DMD: variants seen among roughly 807,000 people sequenced by gnomAD.
DMD encodes the protein mutant dystrophin.
A neutral mutation model predicts 330.1 loss-of-function variants in DMD; 63 were observed. That is an observed-to-expected ratio of 0.19 (90% confidence interval 0.16 to 0.24). DMD has a LOEUF of 0.24. Ranked by LOEUF, DMD falls within the 10% of genes least tolerant of loss-of-function variation. The pLI is 1.00. For missense variants in DMD, 3,344 were observed against 2,684.1 expected (o/e 1.25, Z -5.43); for synonymous variants, 1,223 against 959.8 (o/e 1.27, Z -5.07).
intron 11 of DMD, among the ~76,000 whole-genome samples, chrX:32,618,225 T>G (rs150640440): frequency 0.016 from 1,789 of 112,330 alleles, 27 homozygotes; most frequent in African/African-American, 0.055. Context: ...CATATGTTCG[T>G]GGCAGCACTA....
At chrX:31,697,918 C>T (rs191119001) in intron 52 of DMD, among the ~76,000 whole-genome samples, 13 of 111,773 alleles carry the variant, frequency 1.2e-4, no homozygotes, top group African/African-American at 3.9e-4. Context: ...TGATTTGCCA[C>T]GATCTCAGTT....
At chrX:32,627,951 A>G (rs572501956) in intron 11 of DMD, among the ~76,000 whole-genome samples, 43 of 110,610 alleles carry the variant, frequency 3.9e-4, no homozygotes, top group South Asian at 3.8e-4. Context: ...GGGATACAAG[A>G]GACATATTCA....
intron 1 of DMD, among the ~76,000 whole-genome samples, chrX:33,118,197 G>T (rs1246734875): frequency 3.0e-5 from 3 of 101,491 alleles, no homozygotes; most frequent in Non-Finnish European, 5.9e-5. Flanking sequence ...TGCAAGCTCC[G>T]CCTCCCGGGT....
At chrX:32,064,218 C>T (rs976153399) in intron 44 of DMD, among the ~76,000 whole-genome samples, 7 of 111,310 alleles carry the variant, frequency 6.3e-5, no homozygotes, top group African/African-American at 2.3e-4. Context: ...CACATATTCA[C>T]TATAAGATAA....
At chrX:31,456,931 ACACT>A (rs758831613) in intron 59 of DMD, among the ~76,000 whole-genome samples, 8 of 107,083 alleles carry the variant, frequency 7.5e-5, no homozygotes, top group South Asian at 8.6e-4. Flanking sequence ...AAGTCTCAAC[ACACT>A]CACAATCATT....
intron 57 of DMD, among the ~76,000 whole-genome samples, chrX:31,491,924 A>G (rs1306791422): frequency 8.9e-6 from 1 of 112,536 alleles, no homozygotes; most frequent in Non-Finnish European, 1.9e-5. Flanking sequence ...ATAGAAAATG[A>G]AAGTGAAAAT....
At chrX:32,387,449 T>A (rs2097967031) in intron 32 of DMD, among the ~76,000 whole-genome samples, 1 of 111,573 alleles carries the variant, frequency 9.0e-6, no homozygotes, top group South Asian at 3.6e-4. Context: ...AGTACTTATT[T>A]TAGTATTACC....
intron 43 of DMD, among the ~76,000 whole-genome samples, chrX:32,237,932 C>A (rs2097193944): frequency 8.9e-6 from 1 of 111,836 alleles, no homozygotes; most frequent in Non-Finnish European, 1.9e-5. Flanking sequence ...TGCAGCATAA[C>A]AAGGCGAATC....
intron 41 of DMD, among the ~76,000 whole-genome samples, chrX:32,336,312 A>G (rs1229106625): frequency 8.9e-6 from 1 of 111,769 alleles, no homozygotes; most frequent in Non-Finnish European, 1.9e-5. Flanking sequence ...CACCACGCCC[A>G]GCCAAGGACT....
At chrX:31,853,003 C>T (rs979955831) in intron 48 of DMD, among the ~76,000 whole-genome samples, 8 of 112,378 alleles carry the variant, frequency 7.1e-5, no homozygotes, top group African/African-American at 2.6e-4. Flanking sequence ...TGTGCCTCAG[C>T]CTCCAGAGTA....
At chrX:32,490,494 C>T (rs1359312182) in intron 20 of DMD, among the ~76,000 whole-genome samples, 1 of 111,337 alleles carries the variant, frequency 9.0e-6, no homozygotes, top group Non-Finnish European at 1.9e-5. Flanking sequence ...TTACAGATGA[C>T]GGTTCCTTGT....
intron 52 of DMD, among the ~76,000 whole-genome samples, chrX:31,684,001 A>G (rs1048551421): frequency 2.7e-5 from 3 of 111,720 alleles, no homozygotes; most frequent in Non-Finnish European, 5.6e-5. Flanking sequence ...ACAGCGTTAA[A>G]TAACTGGTCT....
intron 62 of DMD, among the ~76,000 whole-genome samples, chrX:31,281,551 C>G (rs1287365375): frequency 3.0e-5 from 3 of 100,450 alleles, no homozygotes; most frequent in African/African-American, 9.0e-5. Flanking sequence ...AAATTCATCT[C>G]TTTACTTTTT....
At chrX:32,657,204 A>T (rs1220675170) in intron 9 of DMD, among the ~76,000 whole-genome samples, 5 of 111,359 alleles carry the variant, frequency 4.5e-5, no homozygotes, top group Non-Finnish European at 7.5e-5. Context: ...CATAAAATCA[A>T]GAAGGAAGAA....
chrX:32,528,364 G>C (rs1852086916), intron 17 of DMD, among the ~76,000 whole-genome samples: 1 of 111,783 alleles, frequency 8.9e-6, no homozygotes, highest in South Asian at 3.7e-4. Flanking sequence ...AGGCACCACA[G>C]GTTTTAATCC....
Position 33,289,683 on chromosome X carries a change from A to G in DMD, c.7+49576T>C, listed in dbSNP as rs1298484710. On this transcript the variant is annotated intron_variant, in intron 1 of 17. Transcript: ENST00000288447. ...CAAGGTCTGTGTCCTTAAATATAAC[A>G]TTCCAGATAGCTTTTAATTTCAAGT... Among the ~76,000 whole-genome samples the G allele has an allele frequency of 2.7e-5, 3 of 111,439 alleles. No homozygotes were observed. In the South Asian group the frequency reaches 1.1e-3, roughly 42 times the overall value.
intron 13 of DMD, among the ~76,000 whole-genome samples, chrX:32,582,862 A>G (rs763047093): frequency 3.6e-5 from 4 of 111,149 alleles, no homozygotes; most frequent in Non-Finnish European, 5.7e-5. Context: ...ATCTTCTACA[A>G]TCCGGGAATA....
At chrX:31,349,337 G>A (rs6631296) in intron 60 of DMD, among the ~76,000 whole-genome samples, 30,837 of 111,179 alleles carry the variant, frequency 0.28, 3,204 homozygotes, top group East Asian at 0.53. Context: ...AGCTCCTAGG[G>A]AGGCTGAGGC....
chrX:32,825,773 G>A (rs2078643734), intron 4 of DMD, among the ~76,000 whole-genome samples: 1 of 111,401 alleles, frequency 9.0e-6, no homozygotes, highest in Admixed American at 9.6e-5. Context: ...GACATAAAAT[G>A]ACAAATATTG....
Sources: allele counts gnomAD v4.1 joint callset (sites outside exome capture counted in the v4.1 genomes callset), GRCh38; gene constraint gnomAD v4.1.1; transcripts MANE v1.5; gene names NCBI Gene and HGNC (gene_info 2026-07-23, HGNC 2026-07-21).